KDM4B: variants seen among roughly 807,000 people sequenced by gnomAD.
KDM4B encodes the protein lysine demethylase 4B.
Under a neutral mutation model 125.2 loss-of-function variants are expected in KDM4B, and 32 were observed. The observed-to-expected ratio is 0.26, with a 90% CI of 0.19 to 0.34. The LOEUF is 0.34. Ranked by LOEUF, KDM4B falls within the 10% of genes least tolerant of loss-of-function variation. The pLI is 1.00. For synonymous variants in KDM4B, 721 were observed against 677.9 expected (o/e 1.06, Z -0.99); for missense variants, 1,190 against 1,577.7 (o/e 0.75, Z 4.16).
chr19:5,005,661 G>T (rs1255888568), intron 1 of KDM4B, among the ~76,000 whole-genome samples: 1 of 152,148 alleles, frequency 6.6e-6, no homozygotes. Context: ...TTTTCTTTCT[G>T]CATTCAGTGG....
At chr19:5,103,215 T>A (rs2038970896) in intron 9 of KDM4B, among the ~76,000 whole-genome samples, 1 of 152,130 alleles carries the variant, frequency 6.6e-6, no homozygotes, top group Admixed American at 6.5e-5. Flanking sequence ...CTTCCCCCGC[T>A]CTCTGCAGCA....
At chr19:5,146,939 CAA>C (rs1182135277) in intron 21 of KDM4B, among the ~76,000 whole-genome samples, 4 of 60,554 alleles carry the variant, frequency 6.6e-5, no homozygotes, top group Non-Finnish European at 8.5e-5. Flanking sequence ...ACCCTGTCTC[CAA>C]AAAAAAAAAA....
intron 7 of KDM4B, chr19:5,074,381 C>T (rs1045274040): frequency 3.9e-5 from 6 of 152,180 alleles, no homozygotes; most frequent in African/African-American, 1.2e-4. Context: ...TGTGTTCCAT[C>T]GTTGGGACGG....
chr19:5,033,178 C>T (rs1021524287), intron 3 of KDM4B, 147 bp downstream of exon 3: 24 of 959,070 alleles, frequency 2.5e-5, no homozygotes, highest in African/African-American at 1.8e-4. Flanking sequence ...CGTTTACCAG[C>T]GCCTGTTTGT....
At chr19:5,128,864 G>GA (rs1338623751) in intron 11 of KDM4B, among the ~76,000 whole-genome samples, 1 of 150,384 alleles carries the variant, frequency 6.6e-6, no homozygotes, top group Non-Finnish European at 1.5e-5. Context: ...GGGGGGCGGG[G>GA]GGGGGGGTCA....
chr19:5,133,657 G>A (rs1022754194), intron 13 of KDM4B, among the ~76,000 whole-genome samples: 15 of 152,224 alleles, frequency 9.9e-5, no homozygotes, highest in African/African-American at 2.2e-4. Context: ...CGAGACAGAC[G>A]TGTCCCCCTC....
chr19:5,032,154 G>T (rs576243564), intron 2 of KDM4B, among the ~76,000 whole-genome samples: 2 of 152,218 alleles, frequency 1.3e-5, no homozygotes, highest in Non-Finnish European at 2.9e-5. Context: ...CGCAGCCTCC[G>T]TGGAGAGGAC....
At chr19:5,107,695 G>T (rs2039061847) in intron 9 of KDM4B, among the ~76,000 whole-genome samples, 1 of 152,214 alleles carries the variant, frequency 6.6e-6, no homozygotes, top group Admixed American at 6.5e-5. Context: ...GCCGGAGTTG[G>T]TGGCTCGCAG....
chr19:5,094,658 G>A (rs1284998404), intron 9 of KDM4B, among the ~76,000 whole-genome samples: 1 of 152,148 alleles, frequency 6.6e-6, no homozygotes, highest in Non-Finnish European at 1.5e-5. Context: ...GTGGGGACTT[G>A]GGCATGTAGG....
chr19:5,028,252 C>T (rs1453196040), intron 2 of KDM4B, among the ~76,000 whole-genome samples: 2 of 152,232 alleles, frequency 1.3e-5, no homozygotes, highest in African/African-American at 2.4e-5. Context: ...TCTGGGATTA[C>T]AGGTGCGAGC....
At chr19:4,978,566 G>C (rs1599341277) in intron 1 of KDM4B, among the ~76,000 whole-genome samples, 1 of 145,132 alleles carries the variant, frequency 6.9e-6, no homozygotes, top group South Asian at 2.2e-4. Flanking sequence ...GTTACTGTCT[G>C]TCTGGGCTGG....
At chr19:5,083,945 T>G (rs1450983278) in intron 9 of KDM4B, among the ~76,000 whole-genome samples, 1 of 152,164 alleles carries the variant, frequency 6.6e-6, no homozygotes, top group Non-Finnish European at 1.5e-5. Context: ...TCTCGCAGCA[T>G]TTTCTAGATG....
chr19:5,000,815 T>A (rs1338239984), intron 1 of KDM4B, among the ~76,000 whole-genome samples: 1 of 152,202 alleles, frequency 6.6e-6, no homozygotes, highest in Non-Finnish European at 1.5e-5. Flanking sequence ...AGTTGCCTGT[T>A]GATTGATTTC....
At chr19:5,051,046 A>G (rs1481007596) in intron 6 of KDM4B, among the ~76,000 whole-genome samples, 1 of 152,176 alleles carries the variant, frequency 6.6e-6, no homozygotes, top group Non-Finnish European at 1.5e-5. Flanking sequence ...CAGCCCCTGC[A>G]GGGCCCACCC....
chr19:5,045,084 A>C (rs1027255820), intron 5 of KDM4B, among the ~76,000 whole-genome samples: 2 of 152,198 alleles, frequency 1.3e-5, no homozygotes, highest in African/African-American at 4.8e-5. Flanking sequence ...TTGCTGGACC[A>C]CGTGGTGAGA....
Position 5,039,798 on chromosome 19 carries a change from G to A in KDM4B, c.142-38G>A, listed in dbSNP as rs376710315. On this transcript the variant is annotated intron_variant, in intron 3 of 22. Coordinates refer to ENST00000159111, the MANE Select transcript of KDM4B (RefSeq NM_015015.3). Reference sequence around the variant, plus strand: ...TCTGCTCTCTGGCCCTGCCCTGAGGGTCTGAGGGTGCCACTGACTCCCATC... The same window carrying A: ...TCTGCTCTCTGGCCCTGCCCTGAGGATCTGAGGGTGCCACTGACTCCCATC... 1.3e-5 allele frequency: 21 copies of A among 1,600,294 alleles called. No homozygotes were observed. The African/African-American group carries it at 2.5e-4, about 19-fold the overall frequency.
chr19:5,091,528 C>G (rs186522867), intron 9 of KDM4B, among the ~76,000 whole-genome samples: 1 of 152,200 alleles, frequency 6.6e-6, no homozygotes, highest in East Asian at 1.9e-4. Flanking sequence ...CCCACCTCCC[C>G]GCATCCAGGC....
Position 5,033,469 on chromosome 19 carries a change from A to G in KDM4B, c.141+438A>G, listed in dbSNP as rs545761625. Among the ~76,000 whole-genome samples, 22 of 152,056 alleles carry G rather than the reference A, an allele frequency of 1.4e-4. No homozygotes were observed. The South Asian group carries it at 3.9e-3, about 27-fold the overall frequency. On this transcript the variant is annotated intron_variant, in intron 3 of 22. Transcript: ENST00000159111. The stretch of plus-strand genomic sequence containing the variant: ...GTGGTGCATGCCTGTGGTCCCAGCT[A>G]TTTGGGAGGGTGAGGCAGGAGGATT...
intron 3 of KDM4B, among the ~76,000 whole-genome samples, 157 bp from the exon 4 acceptor site, chr19:5,039,679 G>A (rs2145657498): frequency 6.6e-6 from 1 of 151,930 alleles, no homozygotes; most frequent in Admixed American, 6.5e-5. Context: ...TGGGGAGTTT[G>A]ATAAGGCAAA....
Sources: allele counts gnomAD v4.1 joint callset (sites outside exome capture counted in the v4.1 genomes callset), GRCh38; gene constraint gnomAD v4.1.1; transcripts MANE v1.5; gene names NCBI Gene and HGNC (gene_info 2026-07-23, HGNC 2026-07-21).